The following PLCXD3 variants were observed in gnomAD, a reference collection of about 807,000 sequenced individuals.
PLCXD3 encodes the protein PI-PLC X domain-containing protein 3.
Under a neutral mutation model 25.5 loss-of-function variants are expected in PLCXD3, and 19 were observed. The ratio of observed to expected loss-of-function variants is 0.75; its 90% CI spans 0.52 to 1.09. The LOEUF is 1.09. Ranked by LOEUF, PLCXD3 falls within the 50% of genes least tolerant of loss-of-function variation. The pLI, the probability that PLCXD3 is intolerant of heterozygous loss-of-function variation, is 0.00. For missense variants in PLCXD3, 411 were observed against 388.1 expected, an observed-to-expected ratio of 1.06 and a Z score of -0.50; for synonymous variants, 174 against 137.6, an observed-to-expected ratio of 1.26 and a Z score of -1.85.
intron 1 of PLCXD3, among the ~76,000 whole-genome samples, chr5:41,484,406 C>T (rs576501571): frequency 6.6e-6 from 1 of 152,168 alleles, no homozygotes; most frequent in African/African-American, 2.4e-5. Context: ...AGTGTTTATC[C>T]TTGCATTTCT....
At chr5:41,385,853 A>G (rs1745618007) in intron 1 of PLCXD3, among the ~76,000 whole-genome samples, 1 of 152,104 alleles carries the variant, frequency 6.6e-6, no homozygotes, top group Non-Finnish European at 1.5e-5. Context: ...AGAGGTCTTT[A>G]GACTAACAGC....
chr5:41,416,747 C>G, intron 1 of PLCXD3, among the ~76,000 whole-genome samples: 1 of 152,170 alleles, frequency 6.6e-6, no homozygotes. Flanking sequence ...ATTCAAGAAC[C>G]ATCATATCCT....
At chr5:41,418,519 T>G (rs1309417028) in intron 1 of PLCXD3, among the ~76,000 whole-genome samples, 1 of 148,194 alleles carries the variant, frequency 6.7e-6, no homozygotes, top group African/African-American at 2.5e-5. Flanking sequence ...ACACATGTCA[T>G]ATTAATTTTT....
At chr5:41,417,132 A>G (rs318035) in intron 1 of PLCXD3, among the ~76,000 whole-genome samples, 27,874 of 152,142 alleles carry the variant, frequency 0.18, 3,698 homozygotes, top group African/African-American at 0.37. Context: ...ATCAAGTGAA[A>G]CACTGAAATA....
chr5:41,362,312 G>C (rs759063656), intron 2 of PLCXD3, among the ~76,000 whole-genome samples: 1 of 151,994 alleles, frequency 6.6e-6, no homozygotes, highest in Non-Finnish European at 1.5e-5. Flanking sequence ...ATGTGTAGGG[G>C]GTGAAAAAAA....
Position 41,313,484 on chromosome 5 carries a change from C to T in PLCXD3, c.*133G>A, listed in dbSNP as rs867690126. On this transcript the variant is annotated 3_prime_UTR_variant, in exon 3 of 3. Coordinates refer to ENST00000377801, the MANE Select transcript of PLCXD3 (RefSeq NM_001005473.3). ...AATCACTGAAGAAACAGTTTTTCCC[C>T]TTTTCCCACCCACTACCAGCCCTAT... The T allele has an allele frequency of 5.2e-4, 525 of 1,011,876 alleles. No individual in the cohort carries two copies. Among genetic ancestry groups the T allele is most frequent in the Middle Eastern group, 1.8e-3 (6 of 3,270 alleles). 62.7% of individuals were successfully genotyped at this position (1,011,876 alleles called of 1,614,324 possible).
At chr5:41,351,051 A>C (rs1225594274) in intron 2 of PLCXD3, among the ~76,000 whole-genome samples, 1 of 152,212 alleles carries the variant, frequency 6.6e-6, no homozygotes, top group African/African-American at 2.4e-5. Flanking sequence ...ATGTTTTATA[A>C]AGTATTAAAT....
chr5:41,494,791 A>T (rs1363386675), intron 1 of PLCXD3, among the ~76,000 whole-genome samples: 1 of 152,210 alleles, frequency 6.6e-6, no homozygotes, highest in African/African-American at 2.4e-5. Context: ...TTTTCACCTA[A>T]GGTAAAAATG....
At chr5:41,352,367 C>G (rs1744487445) in intron 2 of PLCXD3, among the ~76,000 whole-genome samples, 1 of 152,200 alleles carries the variant, frequency 6.6e-6, no homozygotes, top group South Asian at 2.1e-4. Flanking sequence ...TGGCAAATTT[C>G]TACTTGCTTT....
intron 1 of PLCXD3, among the ~76,000 whole-genome samples, chr5:41,457,001 T>C (rs1747768367): frequency 6.6e-6 from 1 of 151,964 alleles, no homozygotes; most frequent in Non-Finnish European, 1.5e-5. Context: ...TGGGGTTTTA[T>C]GAGAATACAT....
At chr5:41,467,884 A>G (rs1449461851) in intron 1 of PLCXD3, among the ~76,000 whole-genome samples, 1 of 151,032 alleles carries the variant, frequency 6.6e-6, no homozygotes, top group East Asian at 2.0e-4. Flanking sequence ...ATGGGTTAGG[A>G]CCTTGGTTTT....
intron 2 of PLCXD3, among the ~76,000 whole-genome samples, chr5:41,321,279 G>A (rs376368797): frequency 6.6e-6 from 1 of 152,122 alleles, no homozygotes; most frequent in Non-Finnish European, 1.5e-5. Flanking sequence ...AAAATCAGTA[G>A]CATTTCTGTA....
intron 2 of PLCXD3, among the ~76,000 whole-genome samples, chr5:41,348,476 A>G (rs1313272550): frequency 6.6e-6 from 1 of 152,176 alleles, no homozygotes; most frequent in Non-Finnish European, 1.5e-5. Context: ...TCCAATGTCA[A>G]TAGGTAGCAC....
At chr5:41,402,730 C>CTTTATA (rs1746223047) in intron 1 of PLCXD3, among the ~76,000 whole-genome samples, 6 of 151,842 alleles carry the variant, frequency 4.0e-5, no homozygotes, top group Non-Finnish European at 8.8e-5. Context: ...TATTTTGAAG[C>CTTTATA]TCTCTTATTG....
chr5:41,368,596 G>C (rs1338409537), intron 2 of PLCXD3, among the ~76,000 whole-genome samples: 1 of 152,084 alleles, frequency 6.6e-6, no homozygotes, highest in Non-Finnish European at 1.5e-5. Context: ...GGTGAGAGAG[G>C]GCATCCTTGT....
intron 2 of PLCXD3, among the ~76,000 whole-genome samples, chr5:41,341,722 A>T (rs533826815): frequency 2.0e-5 from 3 of 152,296 alleles, no homozygotes; most frequent in African/African-American, 7.2e-5. Flanking sequence ...GGTAGAAAAA[A>T]AAAAGTTCTT....
intron 1 of PLCXD3, among the ~76,000 whole-genome samples, chr5:41,391,303 C>A (rs1335020212): frequency 6.6e-6 from 1 of 152,110 alleles, no homozygotes; most frequent in African/African-American, 2.4e-5. Context: ...CCAAAAGAGA[C>A]CCCTTCCTTT....
chr5:41,385,486 A>G (rs141488549), intron 1 of PLCXD3, among the ~76,000 whole-genome samples: 1 of 152,264 alleles, frequency 6.6e-6, no homozygotes, highest in African/African-American at 2.4e-5. Context: ...AAATGTAATC[A>G]GAGCAACTAT....
In PLCXD3 at chr5:41,310,136, T is replaced by C. The variant is rs1282450541; in HGVS notation, c.*3481A>G. The C allele has an allele frequency of 6.6e-6, 1 of 152,178 alleles. No individual in the cohort carries two copies. The highest frequency in any genetic ancestry group is 1.5e-5 in the Non-Finnish European group (1 of 68,028). The allele number at this position is 152,178 out of a possible 1,614,324, so 9.4% of individuals were successfully genotyped here. On this transcript the variant is annotated 3_prime_UTR_variant, in exon 3 of 3. Coordinates refer to ENST00000377801, the MANE Select transcript of PLCXD3 (RefSeq NM_001005473.3). ...TTTTCCCAGTATGGCTGAAAGTCAA[T>C]ATTGAGGTCATCATATAGAATATCC...
Sources: allele counts gnomAD v4.1 joint callset (sites outside exome capture counted in the v4.1 genomes callset), GRCh38; gene constraint gnomAD v4.1.1; transcripts MANE v1.5; gene names NCBI Gene and HGNC (gene_info 2026-07-23, HGNC 2026-07-21).